The following PPFIBP1 variants were observed in gnomAD, a reference collection of about 807,000 sequenced individuals.
PPFIBP1 encodes liprin-beta-1.
In PPFIBP1, 112 loss-of-function variants were observed where a neutral mutation model predicts 137.8. That is an observed-to-expected ratio of 0.81 (90% CI 0.70 to 0.95). The LOEUF is 0.95. Ranked by LOEUF, PPFIBP1 falls within the 40% of genes least tolerant of loss-of-function variation. The probability of loss-of-function intolerance (pLI) is 0.00; values close to 1 mark genes in which losing one functional copy is unlikely to be tolerated. For synonymous variants in PPFIBP1, 378 were observed against 417.3 expected (o/e 0.91, Z 1.15); for missense variants, 1,083 against 1,196.6 (o/e 0.91, Z 1.40).
At chr12:27,590,844 G>A (rs975605226) in intron 2 of PPFIBP1, among the ~76,000 whole-genome samples, 3 of 152,164 alleles carry the variant, frequency 2.0e-5, no homozygotes, top group Non-Finnish European at 4.4e-5. Flanking sequence ...GGCAAGGCAT[G>A]GCAGATGTTA....
At position 27,664,460 on chromosome 12, in the gene PPFIBP1, C is replaced by T. The variant is rs199717065; in HGVS notation, c.991+14C>T. 6.4e-7 allele frequency: 1 copy of T among 1,571,376 alleles called. No homozygotes were observed. The highest frequency in any genetic ancestry group is 8.6e-7 in the Non-Finnish European group (1 of 1,156,664). On this transcript the variant is annotated intron_variant, in intron 12 of 29. Coordinates refer to ENST00000228425, the MANE Select transcript of PPFIBP1 (RefSeq NM_003622.4). The stretch of plus-strand genomic sequence containing the variant: ...AAGGTAAAAAAGGTAGAGTGTAGCT[C>T]TAAAAGTTTTTCTACTTTGGTTGAC...
intron 2 of PPFIBP1, among the ~76,000 whole-genome samples, chr12:27,590,125 A>G (rs753733414): frequency 7.2e-5 from 11 of 152,334 alleles, no homozygotes; most frequent in East Asian, 1.9e-4. Flanking sequence ...AAAGAATTAC[A>G]TAGAGTCAGA....
chr12:27,633,193 T>C (rs1466893912), intron 2 of PPFIBP1, among the ~76,000 whole-genome samples, 169 bp from the exon 3 acceptor site: 3 of 152,322 alleles, frequency 2.0e-5, no homozygotes, highest in Non-Finnish European at 2.9e-5. Flanking sequence ...AGGTATCGCA[T>C]GTGGTCTTGT....
intron 1 of PPFIBP1, among the ~76,000 whole-genome samples, chr12:27,568,847 A>G (rs2049906143): frequency 6.6e-6 from 1 of 152,192 alleles, no homozygotes. Flanking sequence ...ACTACATTGT[A>G]TATGTATTCA....
intron 1 of PPFIBP1, among the ~76,000 whole-genome samples, chr12:27,577,496 T>G (rs2050670987): frequency 6.6e-6 from 1 of 152,336 alleles, no homozygotes; most frequent in Non-Finnish European, 1.5e-5. Flanking sequence ...TTCTGAAGTA[T>G]TTGAAGAGAG....
intron 2 of PPFIBP1, among the ~76,000 whole-genome samples, chr12:27,627,773 A>G (rs2056944703): frequency 6.6e-6 from 1 of 151,118 alleles, no homozygotes; most frequent in African/African-American, 2.4e-5. Flanking sequence ...ATGGGTCCTG[A>G]CCAAACTTGA....
At chr12:27,528,240 C>CG (rs1565706913) in intron 1 of PPFIBP1, among the ~76,000 whole-genome samples, 2 of 152,198 alleles carry the variant, frequency 1.3e-5, no homozygotes, top group East Asian at 3.9e-4. Context: ...TGAGCCACCA[C>CG]GCCTGGTTAT....
intron 1 of PPFIBP1, among the ~76,000 whole-genome samples, chr12:27,570,415 G>T (rs1294931896): frequency 6.6e-6 from 1 of 152,188 alleles, no homozygotes; most frequent in Non-Finnish European, 1.5e-5. Flanking sequence ...GGTATTAAAA[G>T]TCAGGCTGAT....
intron 7 of PPFIBP1, 161 bp from the exon 8 acceptor site, chr12:27,654,561 G>A (rs1593164104): frequency 1.1e-5 from 10 of 870,458 alleles, no homozygotes; most frequent in South Asian, 7.9e-5. Context: ...AGATGCCTTC[G>A]TTCTTAAGGA....
intron 15 of PPFIBP1, 89 bp from the exon 16 acceptor site, chr12:27,673,678 C>CG (rs1271033413): frequency 1.3e-5 from 14 of 1,105,262 alleles, no homozygotes; most frequent in Admixed American, 1.1e-4. Flanking sequence ...TCAACCCACA[C>CG]GCAATTTTAG....
At chr12:27,543,437 G>C (rs781100170) in intron 1 of PPFIBP1, among the ~76,000 whole-genome samples, 8 of 152,176 alleles carry the variant, frequency 5.3e-5, no homozygotes, top group Non-Finnish European at 1.2e-4. Context: ...GCTAATGTAA[G>C]TGGGGCTTTA....
At chr12:27,606,554 A>G (rs759631912) in intron 2 of PPFIBP1, among the ~76,000 whole-genome samples, 1 of 152,250 alleles carries the variant, frequency 6.6e-6, no homozygotes, top group Non-Finnish European at 1.5e-5. Context: ...ACAACTTACA[A>G]ATGAATACAT....
chr12:27,551,764 T>C (rs919343718), intron 1 of PPFIBP1, among the ~76,000 whole-genome samples: 3 of 152,220 alleles, frequency 2.0e-5, no homozygotes, highest in Non-Finnish European at 4.4e-5. Flanking sequence ...GATTTTTATT[T>C]TGAGTTAACA....
At chr12:27,546,451 G>A (rs1035852078) in intron 1 of PPFIBP1, among the ~76,000 whole-genome samples, 3 of 152,060 alleles carry the variant, frequency 2.0e-5, no homozygotes, top group African/African-American at 7.2e-5. Context: ...CCAAACCTCT[G>A]GTAAAAGCAC....
At position 27,671,529 on chromosome 12, in the gene PPFIBP1, G is replaced by T; in HGVS notation, c.1245G>T (p.Glu415Asp). 6.4e-7 allele frequency: 1 copy of T among 1,574,606 alleles called. No homozygotes were observed. The change falls in exon 14 of 30, where the codon GAG (glutamate) becomes GAT (aspartate). Residue 415 changes from glutamate (E) to aspartate (D), a missense_variant. By Grantham distance (45) the Glu-to-Asp change is conservative. Transcript: ENST00000228425. ...SEKSKLTPKP[E>D]TSFEENDGNI... ...AATCAAAGTTGACTCCTAAGCCAGA[G>T]ACTTCATTTGAAGAAAAGTATGTCA... is the stretch of plus-strand genomic sequence containing the variant.
rs2059910547 is a variant in PPFIBP1, at chr12:27,667,172, A to G, written c.998A>G (p.Asp333Gly). ...TTGTTTTATCTTTTCCTAGGCAAAG[A>G]TGGAGAATATGAAGAGCTGCTCAAT... ...VVLAQGKKGK[D>G]GEYEELLNSS... Residue 333 changes from aspartate to glycine, a missense_variant, in exon 13 of 30, where the codon GAT becomes GGT. By Grantham distance (94) the Asp-to-Gly change is moderately conservative (BLOSUM62 -1). Coordinates refer to ENST00000228425, the MANE Select transcript of PPFIBP1 (RefSeq NM_003622.4). 5 of 1,574,358 alleles carry G rather than the reference A, an allele frequency of 3.2e-6. No homozygotes were observed. Among genetic ancestry groups the G allele is most frequent in the Non-Finnish European group, 4.3e-6 (5 of 1,161,902 alleles).
chr12:27,615,905 C>T (rs2055694970), intron 2 of PPFIBP1, among the ~76,000 whole-genome samples: 1 of 152,122 alleles, frequency 6.6e-6, no homozygotes, highest in African/African-American at 2.4e-5. Flanking sequence ...ACTCAGATAT[C>T]ACTAGTCATC....
intron 28 of PPFIBP1, 51 bp from the exon 29 acceptor site, chr12:27,692,540 T>C (rs1217842760): frequency 2.6e-6 from 4 of 1,560,458 alleles, no homozygotes; most frequent in African/African-American, 1.4e-5. Context: ...TGCTGCACTT[T>C]CCCTGAAATT....
intron 4 of PPFIBP1, chr12:27,637,050 CTA>C (rs1269369491): frequency 4.6e-5 from 7 of 152,212 alleles, no homozygotes; most frequent in Admixed American, 4.6e-4. Flanking sequence ...ACCACCCTAA[CTA>C]AAATTATACC....
Sources: gnomAD v4.1 joint callset for allele counts (sites outside exome capture counted in the v4.1 genomes callset) on GRCh38, gnomAD v4.1.1 for gene constraint, MANE v1.5 for transcripts, NCBI Gene and HGNC (gene_info 2026-07-23, HGNC 2026-07-21) for gene names.